The following PKNOX2 variants were observed in gnomAD, a reference collection of about 807,000 sequenced individuals.
The protein encoded by PKNOX2 is PBX/knotted 1 homeobox 2.
A neutral mutation model predicts 53.1 loss-of-function variants in PKNOX2; 14 were observed. The ratio of observed to expected loss-of-function variants is 0.26; its 90% CI spans 0.17 to 0.41. The LOEUF (loss-of-function observed/expected upper bound fraction) is 0.41, where lower values mean the gene tolerates loss of function less well. Ranked by LOEUF, PKNOX2 falls within the 10% of genes least tolerant of loss-of-function variation. The pLI is 1.00. For synonymous variants in PKNOX2, 257 were observed against 242.8 expected (o/e 1.06, Z -0.54); for missense variants, 496 against 602.8 (o/e 0.82, Z 1.85).
At chr11:125,226,223 C>A (rs1941678153) in intron 1 of PKNOX2, among the ~76,000 whole-genome samples, 1 of 152,186 alleles carries the variant, frequency 6.6e-6, no homozygotes, top group Admixed American at 6.5e-5. Flanking sequence ...TTATTGGTGT[C>A]TGGTCCAAGA....
chr11:125,258,178 T>C lies in PKNOX2; in HGVS notation c.-130+23063T>C, dbSNP rs537714759. ...CACCCCTGCAACCTCAGCTTCCTCA[T>C]AGACTTTCCTTAGCTTCTTTCTTCC... On this transcript the variant is annotated intron_variant, in intron 2 of 12. Transcript: ENST00000298282. 3.9e-5 allele frequency among the ~76,000 whole-genome samples: 6 copies of C among 152,282 alleles called. No homozygotes were observed. The South Asian group carries it at 1.0e-3, about 26-fold the overall frequency.
Position 125,315,328 on chromosome 11 carries a change from A to C in PKNOX2, c.-129-16491A>C, listed in dbSNP as rs3133347. Among the ~76,000 whole-genome samples, 730 of 144,810 alleles carry C rather than the reference A, an allele frequency of 5.0e-3. 12 individuals carry two copies. The highest frequency in any genetic ancestry group is 0.017 in the African/African-American group (620 of 36,456). ...GAAAAAAAAAAAAAAAAAAAAAAAAACACCTCTCTCTGCATTAAAATTGAT... is the reference window on the plus strand; with the variant it reads ...GAAAAAAAAAAAAAAAAAAAAAAAACCACCTCTCTCTGCATTAAAATTGAT... On this transcript the variant is annotated intron_variant, in intron 2 of 12. Coordinates refer to ENST00000298282, the MANE Select transcript of PKNOX2 (RefSeq NM_001382323.2).
chr11:125,340,512 A>T (rs1311336268), intron 3 of PKNOX2, among the ~76,000 whole-genome samples: 1 of 152,156 alleles, frequency 6.6e-6, no homozygotes, highest in Non-Finnish European at 1.5e-5. Context: ...CACGAATGGG[A>T]ACAACCGTAA....
At chr11:125,418,328 A>C (rs1318238872) in intron 10 of PKNOX2, among the ~76,000 whole-genome samples, 1 of 152,030 alleles carries the variant, frequency 6.6e-6, no homozygotes. Context: ...GATGTAGCAC[A>C]TTTTGTTTAT....
intron 1 of PKNOX2, among the ~76,000 whole-genome samples, chr11:125,199,689 C>A (rs1938208188): frequency 6.6e-6 from 1 of 152,094 alleles, no homozygotes; most frequent in South Asian, 2.1e-4. Flanking sequence ...ACTAAAAATA[C>A]AAGGAAATTA....
At chr11:125,399,770 C>T (rs140041215) in intron 7 of PKNOX2, among the ~76,000 whole-genome samples, 2,494 of 152,242 alleles carry the variant, frequency 0.016, 25 homozygotes, top group Non-Finnish European at 0.023. Flanking sequence ...AACTCCACCT[C>T]GAGCTCTGGA....
At chr11:125,252,790 C>T (rs1210397455) in intron 2 of PKNOX2, among the ~76,000 whole-genome samples, 3 of 152,186 alleles carry the variant, frequency 2.0e-5, no homozygotes, top group African/African-American at 2.4e-5. Flanking sequence ...TCTACCAACC[C>T]GGCCTTTGGG....
At chr11:125,314,031 G>C (rs1948994892) in intron 2 of PKNOX2, among the ~76,000 whole-genome samples, 1 of 152,206 alleles carries the variant, frequency 6.6e-6, no homozygotes, top group Non-Finnish European at 1.5e-5. Flanking sequence ...TTATTATACT[G>C]AATGAATTAG....
intron 6 of PKNOX2, among the ~76,000 whole-genome samples, chr11:125,388,449 CTGAGA>C (rs1953800883): frequency 6.6e-6 from 1 of 152,082 alleles, no homozygotes; most frequent in South Asian, 2.1e-4. Flanking sequence ...AGCAAATGAG[CTGAGA>C]TAATTGAGAG....
intron 1 of PKNOX2, among the ~76,000 whole-genome samples, chr11:125,216,488 G>A (rs1032301745): frequency 1.3e-5 from 2 of 152,218 alleles, no homozygotes; most frequent in Admixed American, 1.3e-4. Context: ...CGCCTGGGGA[G>A]GCACCGAGGC....
Position 125,266,691 on chromosome 11 carries a change from TCTCA to T in PKNOX2, c.-130+31580_-130+31583del, listed in dbSNP as rs1365503699. 9.8e-5 allele frequency: 15 copies of T among 152,320 alleles called. No homozygotes were observed. The South Asian group carries it at 1.5e-3, about 15-fold the overall frequency. 9.4% of individuals were successfully genotyped at this position (152,320 alleles called of 1,614,324 possible). ...TCGATAGGCCCTGCCACCATGTCCCTCTCACTCTGCGTGTGCAGCCACAGGATGC... is the reference window on the plus strand; with the variant it reads ...TCGATAGGCCCTGCCACCATGTCCCTCTCTGCGTGTGCAGCCACAGGATGC... On this transcript the variant is annotated intron_variant, in intron 2 of 12. Coordinates refer to ENST00000298282, the MANE Select transcript of PKNOX2 (RefSeq NM_001382323.2).
intron 5 of PKNOX2, among the ~76,000 whole-genome samples, chr11:125,380,422 C>T (rs1428862048): frequency 6.6e-6 from 1 of 150,636 alleles, no homozygotes; most frequent in Non-Finnish European, 1.5e-5. Context: ...GGGAGGGAGG[C>T]GACATGGGGA....
chr11:125,341,454 TG>T (rs1293097052), intron 3 of PKNOX2, among the ~76,000 whole-genome samples: 1 of 152,196 alleles, frequency 6.6e-6, no homozygotes, highest in Non-Finnish European at 1.5e-5. Flanking sequence ...AGGTAGACTT[TG>T]TGCAGTCATA....
At chr11:125,315,103 A>G (rs1476114773) in intron 2 of PKNOX2, among the ~76,000 whole-genome samples, 3 of 151,956 alleles carry the variant, frequency 2.0e-5, no homozygotes, top group African/African-American at 7.3e-5. Context: ...CCTCTGGCTG[A>G]AGCCTGCTCA....
At chr11:125,309,130 CCTTT>C (rs143615043) in intron 2 of PKNOX2, among the ~76,000 whole-genome samples, 18,435 of 148,442 alleles carry the variant, frequency 0.12, 1,283 homozygotes, top group East Asian at 0.2. Context: ...ATTACCTCTT[CCTTT>C]CTTTCTTTCT....
At chr11:125,429,129 G>A (rs1956573718) in intron 11 of PKNOX2, 41 bp downstream of exon 11, 3 of 1,540,330 alleles carry the variant, frequency 1.9e-6, no homozygotes, top group Middle Eastern at 1.7e-4. Flanking sequence ...CAGATCCAGG[G>A]GCCACCTTCT....
At chr11:125,318,709 T>C (rs989439480) in intron 2 of PKNOX2, among the ~76,000 whole-genome samples, 1 of 152,242 alleles carries the variant, frequency 6.6e-6, no homozygotes, top group African/African-American at 2.4e-5. Context: ...CTCAATGATA[T>C]GGTTCGGCTC....
chr11:125,191,838 C>T (rs1387995862), intron 1 of PKNOX2, among the ~76,000 whole-genome samples: 1 of 152,188 alleles, frequency 6.6e-6, no homozygotes. Flanking sequence ...TCCTTTTCAA[C>T]TTTAATAAGG....
At chr11:125,399,149 T>G (rs1384527146) in intron 7 of PKNOX2, among the ~76,000 whole-genome samples, 3 of 152,232 alleles carry the variant, frequency 2.0e-5, no homozygotes, top group Non-Finnish European at 4.4e-5. Flanking sequence ...CCCACCCCAG[T>G]GGGCTCTTTG....
Sources: gnomAD v4.1 joint callset for allele counts (sites outside exome capture counted in the v4.1 genomes callset) on GRCh38, gnomAD v4.1.1 for gene constraint, MANE v1.5 for transcripts, NCBI Gene and HGNC (gene_info 2026-07-23, HGNC 2026-07-21) for gene names.